The following C9orf72 variants were observed in gnomAD, a reference collection of about 807,000 sequenced individuals.
C9orf72 encodes guanine nucleotide exchange factor C9orf72.
Under a neutral mutation model 51.6 loss-of-function variants are expected in C9orf72, and 44 were observed. The ratio of observed to expected loss-of-function variants is 0.85; its 90% confidence interval spans 0.67 to 1.10. The LOEUF (loss-of-function observed/expected upper bound fraction) is 1.10, where lower values mean the gene tolerates loss of function less well. C9orf72 is among the 50% of genes least tolerant of loss of function. The pLI is 0.00. For synonymous variants in C9orf72, 213 were observed against 194.2 expected (o/e 1.10, Z -0.81); for missense variants, 607 against 570.6 (o/e 1.06, Z -0.65).
chr9:27,561,501 A>G, intron 5 of C9orf72, 84 bp downstream of exon 5: 3 of 1,571,660 alleles, frequency 1.9e-6, no homozygotes, highest in Non-Finnish European at 2.6e-6. Flanking sequence ...ACAGTCTGTT[A>G]TTTTCTTTCT....
At chr9:27,549,412 A>G (rs1336931065) in intron 9 of C9orf72, among the ~76,000 whole-genome samples, 1 of 151,970 alleles carries the variant, frequency 6.6e-6, no homozygotes, top group Non-Finnish European at 1.5e-5. Context: ...TGAGGTGGAG[A>G]GTGGGAGGGA....
chr9:27,550,744 T>G, intron 8 of C9orf72, 37 bp from the exon 9 acceptor site: 1 of 1,338,760 alleles, frequency 7.5e-7, no homozygotes, highest in Non-Finnish European at 1.0e-6. Context: ...AGAAAAAAGT[T>G]CAAATGTTGA....
At chr9:27,555,856 C>A (rs1821000421) in intron 8 of C9orf72, among the ~76,000 whole-genome samples, 1 of 151,926 alleles carries the variant, frequency 6.6e-6, no homozygotes, top group African/African-American at 2.4e-5. Flanking sequence ...AGCTACTGTG[C>A]CTTTTTTCAA....
At chr9:27,565,726 AG>A (rs1322366006) in intron 2 of C9orf72, 136 bp from the exon 3 acceptor site, 4 of 598,822 alleles carry the variant, frequency 6.7e-6, no homozygotes, top group South Asian at 6.0e-5. Context: ...AAATGGGGGC[AG>A]GGGTAGGAAA....
intron 6 of C9orf72, chr9:27,559,442 TA>T: frequency 6.6e-6 from 1 of 152,018 alleles, no homozygotes; most frequent in East Asian, 1.9e-4. Context: ...GACACAGGTA[TA>T]CTAAGCTCTC....
intron 8 of C9orf72, among the ~76,000 whole-genome samples, chr9:27,552,515 A>ATTTTTTTTTTT (rs71492751): frequency 9.5e-6 from 1 of 105,648 alleles, no homozygotes; most frequent in East Asian, 2.9e-4. Context: ...TACCAAGCTA[A>ATTTTTTTTTTT]TTTTTTTTTT....
rs573825931 is a variant in C9orf72 at position 27,547,064 on chromosome 9, T to G, written c.*1172A>C. The G allele has an allele frequency of 2.0e-5, 3 of 152,634 alleles. No individual in the cohort carries two copies. The highest frequency in any genetic ancestry group is 6.5e-5 in the Admixed American group (1 of 15,276). The allele number at this position is 152,634 out of a possible 1,614,324, so 9.5% of individuals were successfully genotyped here. A position where few individuals can be genotyped will look rare whatever the true frequency, so the allele number is the denominator to read the frequency against. On this transcript the variant is annotated 3_prime_UTR_variant, in exon 11 of 11. Transcript: ENST00000380003. ...AGAATTATATTAATCAGTTATTTTA[T>G]AGCCAGCAAAATGGTCCAAACGCAT...
intron 2 of C9orf72, 35 bp from the exon 3 acceptor site, chr9:27,565,625 C>T (rs779118740): frequency 7.5e-5 from 101 of 1,347,344 alleles, no homozygotes; most frequent in Admixed American, 1.4e-4. Context: ...AAAAACAACC[C>T]ACAACATTTT....
In C9orf72 at chr9:27,558,607, T is replaced by G. The variant is rs757408861; in HGVS notation, c.739A>C (p.Ile247Leu). 1.3e-6 allele frequency: 2 copies of G among 1,497,114 alleles called. No individual in the cohort carries two copies. Among genetic ancestry groups the G allele is most frequent in the Non-Finnish European group, 1.8e-6 (2 of 1,095,456 alleles). 92.7% of individuals were successfully genotyped at this position (1,497,114 alleles called of 1,614,324 possible). A position where few individuals can be genotyped will look rare whatever the true frequency, so the allele number is the denominator to read the frequency against. ...VGSSAEKVNK[I>L]VRTLCLFLTP... is the part of the protein sequence containing the mutation. ...AGAAAAAGGCATAATGTTCTGACTA[T>G]CTATAAAAGAAAATATTTTAGCATT... Residue 247 changes from isoleucine to leucine, a missense_variant and splice_region_variant, in exon 7 of 11, where the codon ATA becomes CTA. By Grantham distance (5) the Ile-to-Leu change is conservative (BLOSUM62 2). Transcript: ENST00000380003.
chr9:27,571,206 T>A (rs964614270), intron 1 of C9orf72: 1 of 152,228 alleles, frequency 6.6e-6, no homozygotes, highest in Non-Finnish European at 1.5e-5. Flanking sequence ...AGATTCAAAT[T>A]GAGTGAGACG....
upstream of C9orf72, chr9:27,573,490 G>GC (rs1360017764): frequency 7.5e-5 from 8 of 106,228 alleles, no homozygotes; most frequent in South Asian, 2.3e-4. Context: ...CCGCAGCCCC[G>GC]CCCCGGGCCC....
intron 1 of C9orf72, among the ~76,000 whole-genome samples, chr9:27,570,147 G>A (rs1351591046): frequency 3.3e-5 from 5 of 152,154 alleles, no homozygotes; most frequent in Non-Finnish European, 7.4e-5. Flanking sequence ...AGTCTTAAGA[G>A]ACAGCACTAG....
chr9:27,572,543 A>G (rs1819610289), intron 1 of C9orf72, among the ~76,000 whole-genome samples: 1 of 151,972 alleles, frequency 6.6e-6, no homozygotes, highest in East Asian at 1.9e-4. Flanking sequence ...CAACTGGTGC[A>G]TGGCAACTGT....
At chr9:27,560,826 T>G (rs895522139) in intron 5 of C9orf72, 9 of 911,682 alleles carry the variant, frequency 9.9e-6, no homozygotes, top group Non-Finnish European at 1.2e-5. Context: ...TAAAATTTCA[T>G]GAAAATCTGT....
Position 27,548,224 on chromosome 9 carries a change from T to A in C9orf72, c.*12A>T, listed in dbSNP as rs1225261734. The A allele has an allele frequency of 3.8e-6, 6 of 1,593,818 alleles. No homozygotes were observed. The African/African-American group carries it at 8.1e-5, about 22-fold the overall frequency. On this transcript the variant is annotated 3_prime_UTR_variant, in exon 11 of 11. Transcript: ENST00000380003. ...CATGATTGTGATGGAATAGGCTTAT[T>A]AAGTTACACATTTAAAAAGTCATTA...
chr9:27,557,488 A>G (rs766297194), intron 7 of C9orf72, among the ~76,000 whole-genome samples: 1 of 152,098 alleles, frequency 6.6e-6, no homozygotes, highest in South Asian at 2.1e-4. Flanking sequence ...CTGGAAAACT[A>G]TATGATTTGT....
chr9:27,560,725 C>A, intron 5 of C9orf72: 1 of 986,288 alleles, frequency 1.0e-6, no homozygotes, highest in Non-Finnish European at 1.2e-6. Context: ...TAAACACACT[C>A]ATGCCTCTGA....
upstream of C9orf72, chr9:27,573,682 G>C (rs527738854): frequency 1.3e-5 from 2 of 152,508 alleles, no homozygotes; most frequent in Non-Finnish European, 2.9e-5. Flanking sequence ...AGTGGGGAGA[G>C]AGGGTGGGAA....
chr9:27,562,028 A>G (rs1819363047), intron 4 of C9orf72, among the ~76,000 whole-genome samples: 1 of 152,232 alleles, frequency 6.6e-6, no homozygotes, highest in African/African-American at 2.4e-5. Flanking sequence ...TGTGACTACA[A>G]GTAAACTTCC....
Sources: allele counts gnomAD v4.1 joint callset (sites outside exome capture counted in the v4.1 genomes callset), GRCh38; gene constraint gnomAD v4.1.1; transcripts MANE v1.5; gene names NCBI Gene and HGNC (gene_info 2026-07-23, HGNC 2026-07-21).